Variants in RASAL2 observed in about 807,000 individuals in gnomAD.
The protein encoded by RASAL2 is RAS protein activator like 2, also known as ras GTPase-activating protein nGAP.
In RASAL2, 58 loss-of-function variants were observed where a neutral mutation model predicts 128.9. That is an observed-to-expected ratio of 0.45 (90% CI 0.36 to 0.56). RASAL2 has a LOEUF of 0.56. Ranked by LOEUF, RASAL2 falls within the 20% of genes least tolerant of loss-of-function variation. The pLI, the probability that RASAL2 is intolerant of heterozygous loss-of-function variation, is 0.00. For missense variants in RASAL2, 1,360 were observed against 1,601.6 expected (o/e 0.85, Z 2.57); for synonymous variants, 561 against 580.8 (o/e 0.97, Z 0.49).
chr1:178,270,425 C>A (rs1041492279), intron 1 of RASAL2, among the ~76,000 whole-genome samples: 3 of 151,796 alleles, frequency 2.0e-5, no homozygotes, highest in Admixed American at 6.6e-5. Flanking sequence ...TATATTACTG[C>A]ATTTTTTTCA....
intron 1 of RASAL2, among the ~76,000 whole-genome samples, chr1:178,192,124 C>A (rs1186812682): frequency 6.6e-6 from 1 of 152,204 alleles, no homozygotes; most frequent in Non-Finnish European, 1.5e-5. Context: ...TAATTTTTAA[C>A]AGTGAGGGGG....
At chr1:178,309,627 T>C (rs1484594522) in intron 3 of RASAL2, among the ~76,000 whole-genome samples, 1 of 152,154 alleles carries the variant, frequency 6.6e-6, no homozygotes. Flanking sequence ...AAAATAGCCA[T>C]ATACAGTCAG....
In RASAL2 at chr1:178,478,143, A is replaced by G. The variant is rs1227239648; in HGVS notation, c.*4904A>G. The G allele has an allele frequency of 6.6e-6, 1 of 151,964 alleles. No homozygotes were observed. The highest frequency in any genetic ancestry group is 1.9e-4 in the East Asian group (1 of 5,190). 9.4% of individuals were successfully genotyped at this position (151,964 alleles called of 1,614,324 possible). On this transcript the variant is annotated 3_prime_UTR_variant, in exon 18 of 18. Coordinates refer to ENST00000367649, the MANE Select transcript of RASAL2 (RefSeq NM_170692.4). ...TTAAATACCCTCATTTGACCCTAGGAAGTTTTTTGTTTTTTTTTTTAGTTT... is the reference window on the plus strand; with the variant it reads ...TTAAATACCCTCATTTGACCCTAGGGAGTTTTTTGTTTTTTTTTTTAGTTT...
At chr1:178,425,120 GC>G (rs1308709277) in intron 5 of RASAL2, among the ~76,000 whole-genome samples, 18 of 152,252 alleles carry the variant, frequency 1.2e-4, no homozygotes, top group Non-Finnish European at 1.9e-4. Flanking sequence ...ACCTTAGAGG[GC>G]AATGGCCTGT....
Position 178,381,551 on chromosome 1 carries a change from T to G in RASAL2, c.458-8549T>G, listed in dbSNP as rs574145106. On this transcript the variant is annotated intron_variant, in intron 3 of 17. Coordinates refer to ENST00000367649, the MANE Select transcript of RASAL2 (RefSeq NM_170692.4). The stretch of plus-strand genomic sequence containing the variant: ...TGCATATTTAGTTCTTGGTAAATGA[T>G]TAAATTTTCATCTTTATATTACAGG... Among the ~76,000 whole-genome samples the G allele has an allele frequency of 6.6e-5, 10 of 152,318 alleles. No homozygotes were observed. In the East Asian group the frequency reaches 1.5e-3, roughly 23 times the overall value.
In RASAL2 at chr1:178,176,614, A is replaced by ATT. The variant is rs35361851; in HGVS notation, c.202+81932_202+81933dup. Among the ~76,000 whole-genome samples the ATT allele has an allele frequency of 4.7e-3, 680 of 145,412 alleles. 5 individuals carry two copies. The highest frequency in any genetic ancestry group is 0.018 in the Middle Eastern group (5 of 280). Reference sequence around the variant, plus strand: ...CTGTATGTTAAGCCATATTTGTTGCATTTTTTTTTTTTTGAGAAAGAGGGA... The same window carrying ATT: ...CTGTATGTTAAGCCATATTTGTTGCATTTTTTTTTTTTTTTGAGAAAGAGGGA... On this transcript the variant is annotated intron_variant, in intron 1 of 17. Coordinates refer to ENST00000367649, the MANE Select transcript of RASAL2 (RefSeq NM_170692.4).
At chr1:178,449,876 T>A (rs1677262492) in intron 9 of RASAL2, among the ~76,000 whole-genome samples, 1 of 152,144 alleles carries the variant, frequency 6.6e-6, no homozygotes, top group East Asian at 1.9e-4. Context: ...TATTCATGTT[T>A]TTTATTAATA....
At chr1:178,275,423 A>G (rs77674976) in intron 1 of RASAL2, among the ~76,000 whole-genome samples, 6,328 of 152,344 alleles carry the variant, frequency 0.042, 180 homozygotes, top group South Asian at 0.084. Flanking sequence ...TTCACGGCAC[A>G]TGTGATCAGG....
chr1:178,294,027 A>G (rs1223600436), intron 2 of RASAL2, among the ~76,000 whole-genome samples: 3 of 151,052 alleles, frequency 2.0e-5, no homozygotes, highest in Non-Finnish European at 4.4e-5. Context: ...TGAACTACAC[A>G]ATAGGGAATG....
intron 1 of RASAL2, among the ~76,000 whole-genome samples, chr1:178,217,510 G>A (rs1051301681): frequency 1.3e-5 from 2 of 152,082 alleles, no homozygotes; most frequent in Non-Finnish European, 2.9e-5. Context: ...GTTTTGACAA[G>A]CTACAGGCAT....
At chr1:178,381,920 C>G (rs529881620) in intron 3 of RASAL2, among the ~76,000 whole-genome samples, 24 of 152,194 alleles carry the variant, frequency 1.6e-4, no homozygotes, top group African/African-American at 5.8e-4. Context: ...ATAAAACTCA[C>G]CAAACTGAAG....
intron 1 of RASAL2, among the ~76,000 whole-genome samples, chr1:178,216,190 A>T (rs1178453799): frequency 6.6e-6 from 1 of 152,174 alleles, no homozygotes; most frequent in Non-Finnish European, 1.5e-5. Flanking sequence ...AACTCATTTT[A>T]TGTTTTTTAC....
intron 1 of RASAL2, among the ~76,000 whole-genome samples, chr1:178,181,318 A>G (rs911543238): frequency 5.9e-5 from 9 of 152,066 alleles, no homozygotes; most frequent in African/African-American, 1.9e-4. Context: ...TAATGAAACA[A>G]TATTAACCAT....
chr1:178,286,058 C>A (rs539493690), intron 2 of RASAL2, among the ~76,000 whole-genome samples: 1 of 152,266 alleles, frequency 6.6e-6, no homozygotes, highest in South Asian at 2.1e-4. Flanking sequence ...CCTCATCCAC[C>A]ACGCTGTATG....
chr1:178,336,997 T>C (rs1669618720), intron 3 of RASAL2, among the ~76,000 whole-genome samples: 1 of 152,152 alleles, frequency 6.6e-6, no homozygotes, highest in Non-Finnish European at 1.5e-5. Flanking sequence ...ATGAAAGCCT[T>C]AGTTTCTCAA....
rs571320426 is a variant in RASAL2, at chr1:178,269,456, C to T, written c.203-14108C>T. ...CTGGGTACAGTGAGGCTGAAACTTA[C>T]CAGGCTGCATTCCCAGATGGTTAAG... is the stretch of plus-strand genomic sequence containing the variant. On this transcript the variant is annotated intron_variant, in intron 1 of 17. Transcript: ENST00000367649. 3.3e-5 allele frequency among the ~76,000 whole-genome samples: 5 copies of T among 152,302 alleles called. No homozygotes were observed. The East Asian group carries it at 9.6e-4, about 29-fold the overall frequency.
chr1:178,296,554 G>C (rs748375549), intron 2 of RASAL2, among the ~76,000 whole-genome samples: 1 of 151,408 alleles, frequency 6.6e-6, no homozygotes, highest in Non-Finnish European at 1.5e-5. Context: ...TTTAAAGATG[G>C]GGGATCTCAC....
At chr1:178,292,049 AAAAAAAAAGAATT>A (rs1667304451) in intron 2 of RASAL2, among the ~76,000 whole-genome samples, 1 of 151,542 alleles carries the variant, frequency 6.6e-6, no homozygotes, top group Non-Finnish European at 1.5e-5. Flanking sequence ...AAAAAAAAAA[AAAAAAAAAGAATT>A]ATAAAGAATT....
At chr1:178,353,970 C>CAA (rs35215065) in intron 3 of RASAL2, among the ~76,000 whole-genome samples, 12 of 144,672 alleles carry the variant, frequency 8.3e-5, no homozygotes, top group African/African-American at 2.0e-4. Flanking sequence ...AAACCCTGTC[C>CAA]AAAAAAAAAA....
Sources: gnomAD v4.1 joint callset for allele counts (sites outside exome capture counted in the v4.1 genomes callset) on GRCh38, gnomAD v4.1.1 for gene constraint, MANE v1.5 for transcripts, NCBI Gene and HGNC (gene_info 2026-07-23, HGNC 2026-07-21) for gene names.